The following WDR17 variants were observed in gnomAD, a reference collection of about 807,000 sequenced individuals.
WDR17 encodes WD repeat-containing protein 17.
WDR17 carries 143 observed loss-of-function variants against 161.7 expected under a neutral mutation model. That is an observed-to-expected ratio of 0.88 (90% confidence interval 0.77 to 1.02). The LOEUF (loss-of-function observed/expected upper bound fraction) is 1.02, where lower values mean the gene tolerates loss of function less well. Among genes scored for constraint, WDR17 ranks in the 50% least tolerant of loss-of-function variants. The pLI, the probability that WDR17 is intolerant of heterozygous loss-of-function variation, is 0.00. For missense variants in WDR17, 1,469 were observed against 1,520.9 expected, an observed-to-expected ratio of 0.97 and a Z score of 0.57; for synonymous variants, 517 against 515.6, an observed-to-expected ratio of 1.00 and a Z score of -0.04.
intron 2 of WDR17, 86 bp from the exon 3 acceptor site, chr4:176,115,710 G>T: frequency 9.4e-7 from 1 of 1,061,460 alleles, no homozygotes. Context: ...CCTGTATGTA[G>T]CTTTAGTTTT....
intron 2 of WDR17, among the ~76,000 whole-genome samples, chr4:176,113,397 T>A (rs1383061857): frequency 2.6e-5 from 4 of 152,094 alleles, no homozygotes; most frequent in Non-Finnish European, 5.9e-5. Flanking sequence ...ATGATGAATA[T>A]TTTAAAATAT....
Position 176,177,059 on chromosome 4 carries a change from CAGCTATTAAAACG to C in WDR17, c.3452_3464del (p.Gln1151LeufsTer8), listed in dbSNP as rs765486536. The C allele has an allele frequency of 1.2e-6, 2 of 1,612,190 alleles. No homozygotes were observed. Among genetic ancestry groups the C allele is most frequent in the Non-Finnish European group, 1.7e-6 (2 of 1,178,604 alleles). On this transcript the variant is annotated frameshift_variant and splice_region_variant, in exon 27 of 29. Transcript: ENST00000508596. LOFTEE classifies it high-confidence loss of function. ...TTAATTTCCTTTTCACACGTTCAGT[CAGCTATTAAAACG>C]TCGGGAGGTGTCAGTACCTTTAAAA...
Position 176,174,696 on chromosome 4 carries a change from C to A in WDR17, c.3427C>A (p.Pro1143Thr). 6.2e-7 allele frequency: 1 copy of A among 1,610,178 alleles called. No homozygotes were observed. Among genetic ancestry groups the A allele is most frequent in the Non-Finnish European group, 8.5e-7 (1 of 1,177,570 alleles). Residue 1143 changes from proline (P) to threonine (T), a missense_variant, in exon 26 of 29, where the codon CCA becomes ACA. Physicochemically the swap from Pro to Thr is conservative, Grantham distance 38. Coordinates refer to ENST00000508596, the MANE Select transcript of WDR17 (RefSeq NM_181265.4). ...AIRRQYQSIV[P>T]ALYEYTSQLL... is the part of the protein sequence containing the mutation. ...CAGAAGACAGTACCAAAGCATTGTT[C>A]CAGCACTTTATGAGTACACAAGGTA...
At chr4:176,099,984 T>G (rs1488744283) in intron 1 of WDR17, among the ~76,000 whole-genome samples, 1 of 152,206 alleles carries the variant, frequency 6.6e-6, no homozygotes, top group Non-Finnish European at 1.5e-5. Context: ...TGATCATCTG[T>G]TGATAGACAC....
At chr4:176,154,297 A>G (rs1747707659) in intron 17 of WDR17, among the ~76,000 whole-genome samples, 2 of 152,144 alleles carry the variant, frequency 1.3e-5, no homozygotes, top group Admixed American at 1.3e-4. Context: ...CCCTGCCAAC[A>G]TGGTGAAACC....
At position 176,065,899 on chromosome 4, in the gene WDR17, T is replaced by A. The variant is rs915485147; in HGVS notation, c.-187T>A. The A allele has an allele frequency of 1.3e-5, 2 of 152,068 alleles. No individual in the cohort carries two copies. The highest frequency in any genetic ancestry group is 4.8e-5 in the African/African-American group (2 of 41,392). 9.4% of individuals were successfully genotyped at this position (152,068 alleles called of 1,614,324 possible). ...TCCATCGTGGCTCCGCGCTGGGGCT[T>A]GCGGAGCACGCTTCCCGCCCCTCGG... On this transcript the variant is annotated 5_prime_UTR_variant, in exon 1 of 29. Coordinates refer to ENST00000508596, the MANE Select transcript of WDR17 (RefSeq NM_181265.4).
chr4:176,091,099 C>T (rs1283341159), intron 1 of WDR17, among the ~76,000 whole-genome samples: 1 of 152,116 alleles, frequency 6.6e-6, no homozygotes, highest in Admixed American at 6.6e-5. Flanking sequence ...TTGTTTATGG[C>T]CAGTTTTGGG....
chr4:176,099,617 A>G (rs1413229261), intron 1 of WDR17, among the ~76,000 whole-genome samples: 5 of 152,182 alleles, frequency 3.3e-5, no homozygotes, highest in Non-Finnish European at 4.4e-5. Context: ...AAAATTATGG[A>G]GTACAAGTAC....
intron 9 of WDR17, among the ~76,000 whole-genome samples, chr4:176,139,517 TG>T (rs1486978009): frequency 6.6e-6 from 1 of 152,018 alleles, no homozygotes; most frequent in Non-Finnish European, 1.5e-5. Flanking sequence ...AGTAGCACTG[TG>T]TTTGGAAGCA....
At chr4:176,077,272 A>G (rs1372599294) in intron 1 of WDR17, among the ~76,000 whole-genome samples, 1 of 151,746 alleles carries the variant, frequency 6.6e-6, no homozygotes, top group African/African-American at 2.4e-5. Flanking sequence ...GGAAATGAGA[A>G]AGACAGTACT....
rs768093059 is a variant in WDR17, at chr4:176,146,100, G to A, written c.1635G>A (p.Val545=). The A allele has an allele frequency of 1.2e-6, 2 of 1,613,976 alleles. No individual in the cohort carries two copies. Among genetic ancestry groups the A allele is most frequent in the South Asian group, 1.1e-5 (1 of 91,044 alleles). Residue 545 remains valine, a synonymous_variant, in exon 12 of 29, where the codon GTG becomes GTA. Transcript: ENST00000508596. ...LKVFSGHTAK[V]FHVKWSPLRE... ...TATTTAGTGGGCATACAGCAAAAGT[G>A]TTTCATGTTAAATGGTCTCCTCTGA...
In WDR17 at chr4:176,160,987, AG is replaced by A. The variant is rs761660834; in HGVS notation, c.2737del (p.Glu913LysfsTer26). The A allele has an allele frequency of 6.2e-7, 1 of 1,609,394 alleles. No homozygotes were observed. The highest frequency in any genetic ancestry group is 1.1e-5 in the South Asian group (1 of 89,542). On this transcript the variant is annotated frameshift_variant, in exon 20 of 29. Coordinates refer to ENST00000508596, the MANE Select transcript of WDR17 (RefSeq NM_181265.4). LOFTEE classifies it high-confidence loss of function. The stretch of plus-strand genomic sequence containing the variant: ...GCTTCATATTCTGATGATATCTACA[AG>A]GAAGACTTTAATGAGTGAGTGATTT... ...KGASYSDDIY[K>X]EDFNELLHKV...
Position 176,172,429 on chromosome 4 carries a change from GA to G in WDR17, c.3158del (p.Asp1053ValfsTer8). On this transcript the variant is annotated frameshift_variant, in exon 24 of 29. Coordinates refer to ENST00000508596, the MANE Select transcript of WDR17 (RefSeq NM_181265.4). LOFTEE classifies it high-confidence loss of function. Reference protein sequence around the residue: ...CMQLAETARADDNIFETVKYY... With the variant: ...CMQLAETARAXDNIFETVKYY... ...GCAGTTAGCTGAGACAGCCCGTGCAGATGACAATATATTTGAAACTGTAAAA... is the reference window on the plus strand; with the variant it reads ...GCAGTTAGCTGAGACAGCCCGTGCAGTGACAATATATTTGAAACTGTAAAA... The G allele has an allele frequency of 6.2e-7, 1 of 1,612,080 alleles. No homozygotes were observed. The highest frequency in any genetic ancestry group is 8.5e-7 in the Non-Finnish European group (1 of 1,179,510).
rs753271336 is a variant in WDR17, at chr4:176,172,517, G to A, written c.3244+1G>A. On this transcript the variant is annotated splice_donor_variant, in intron 24 of 28. Transcript: ENST00000508596. LOFTEE classifies it high-confidence loss of function. ...CCTATTGGTATTAGCTTTGTTAAAGGTAAGTAATTAGTTGGTAGTAGAATT... is the reference window on the plus strand; with the variant it reads ...CCTATTGGTATTAGCTTTGTTAAAGATAAGTAATTAGTTGGTAGTAGAATT... The A allele has an allele frequency of 6.3e-7, 1 of 1,580,424 alleles. No homozygotes were observed. The highest frequency in any genetic ancestry group is 1.4e-5 in the African/African-American group (1 of 72,762).
rs189140426 is a variant in WDR17 at position 176,162,142 on chromosome 4, G to A, written c.2818G>A (p.Ala940Thr). The A allele has an allele frequency of 2.4e-5, 38 of 1,612,478 alleles. No individual in the cohort carries two copies. Among genetic ancestry groups the A allele is most frequent in the South Asian group, 8.8e-5 (8 of 90,880 alleles). ...YFQDGRAVLA[A>T]CCHLAIDNIE... ...TCAAGATGGTCGAGCAGTACTAGCC[G>A]CATGTTGCCATCTTGCCATAGATAA... Residue 940 changes from alanine to threonine, a missense_variant, in exon 21 of 29, where the codon GCA becomes ACA. Coordinates refer to ENST00000508596, the MANE Select transcript of WDR17 (RefSeq NM_181265.4).
rs995455204 is a variant in WDR17 at position 176,181,443 on chromosome 4, G to A, written c.*1864G>A. ...GATCGCACTACTGCACTCCAGCCTGGGCGACAGAGCAAGACCACCATCTCC... is the reference window on the plus strand; with the variant it reads ...GATCGCACTACTGCACTCCAGCCTGAGCGACAGAGCAAGACCACCATCTCC... On this transcript the variant is annotated 3_prime_UTR_variant, in exon 29 of 29. Coordinates refer to ENST00000508596, the MANE Select transcript of WDR17 (RefSeq NM_181265.4). 1 of 205,396 alleles carries A rather than the reference G, an allele frequency of 4.9e-6. No individual in the cohort carries two copies. The highest frequency in any genetic ancestry group is 9.5e-6 in the Non-Finnish European group (1 of 105,246). The allele number at this position is 205,396 out of a possible 1,614,324, so 12.7% of individuals were successfully genotyped here.
intron 11 of WDR17, among the ~76,000 whole-genome samples, chr4:176,143,202 C>T (rs1428438945): frequency 1.3e-5 from 2 of 152,160 alleles, no homozygotes; most frequent in African/African-American, 4.8e-5. Flanking sequence ...AGGTTATATG[C>T]AAAATAAGCT....
chr4:176,089,461 T>C (rs1218005748), intron 1 of WDR17, among the ~76,000 whole-genome samples: 1 of 152,190 alleles, frequency 6.6e-6, no homozygotes, highest in Non-Finnish European at 1.5e-5. Flanking sequence ...GTCTGGTTCT[T>C]AGCAAAGATT....
chr4:176,127,154 A>T (rs1407155694), intron 5 of WDR17, among the ~76,000 whole-genome samples: 1 of 152,176 alleles, frequency 6.6e-6, no homozygotes, highest in Non-Finnish European at 1.5e-5. Context: ...GCATTCCTGG[A>T]TTTTGTTATC....
Sources: allele counts gnomAD v4.1 joint callset (sites outside exome capture counted in the v4.1 genomes callset), GRCh38; gene constraint gnomAD v4.1.1; transcripts MANE v1.5; gene names NCBI Gene and HGNC (gene_info 2026-07-23, HGNC 2026-07-21).